KIF13A: variants seen among roughly 807,000 people sequenced by gnomAD.
KIF13A encodes kinesin-like protein KIF13A.
Under a neutral mutation model 212.2 loss-of-function variants are expected in KIF13A, and 79 were observed. The ratio of observed to expected loss-of-function variants is 0.37; its 90% CI spans 0.31 to 0.45. The LOEUF is 0.45. Ranked by LOEUF, KIF13A falls within the 20% of genes least tolerant of loss-of-function variation. KIF13A has a pLI of 1.00. For missense variants in KIF13A, 1,901 were observed against 2,209.0 expected (o/e 0.86, Z 2.79); for synonymous variants, 789 against 808.6 (o/e 0.98, Z 0.41).
chr6:17,949,083 G>C (rs1351268576), intron 2 of KIF13A, among the ~76,000 whole-genome samples: 1 of 152,028 alleles, frequency 6.6e-6, no homozygotes, highest in Non-Finnish European at 1.5e-5. Flanking sequence ...CAGATGAGAG[G>C]GGAATGTACA....
At chr6:17,784,926 T>C (rs1200612011) in intron 28 of KIF13A, among the ~76,000 whole-genome samples, 4 of 152,234 alleles carry the variant, frequency 2.6e-5, no homozygotes, top group Non-Finnish European at 5.9e-5. Context: ...CTAATGTTTC[T>C]ATGCCAGTTC....
chr6:17,899,233 T>C lies in KIF13A; in HGVS notation c.147-1053A>G, dbSNP rs1364545016. Among the ~76,000 whole-genome samples, 1 of 152,110 alleles carries C rather than the reference T, an allele frequency of 6.6e-6. No individual in the cohort carries two copies. The highest frequency in any genetic ancestry group is 1.5e-5 in the Non-Finnish European group (1 of 68,026). ...CAATTATGATTTCTAAGTTATGCAA[T>C]CTTATGACAGTTCTTGGCCTTCCTG... On this transcript the variant is annotated intron_variant, in intron 2 of 38. Transcript: ENST00000259711. The surrounding 1 kb of genome is among the most constrained non-coding windows in gnomAD (Gnocchi z 5.2).
At position 17,892,203 on chromosome 6, in the gene KIF13A, G is replaced by C. The variant is rs77736539; in HGVS notation, c.159+5965C>G. Among the ~76,000 whole-genome samples, 6,603 of 152,158 alleles carry C rather than the reference G, an allele frequency of 0.043. 347 individuals are homozygous for C. The highest frequency in any genetic ancestry group is 0.12 in the African/African-American group (5,023 of 41,474). On this transcript the variant is annotated intron_variant, in intron 3 of 38. Coordinates refer to ENST00000259711, the MANE Select transcript of KIF13A (RefSeq NM_022113.6). The surrounding 1 kb of genome is among the most constrained non-coding windows in gnomAD (Gnocchi z 4.7). ...TTTTCATTCACTCAGTTTCAAATCCGAGACATCTCTGACTCTTGATATACT... is the reference window on the plus strand; with the variant it reads ...TTTTCATTCACTCAGTTTCAAATCCCAGACATCTCTGACTCTTGATATACT...
At chr6:17,760,814 CAA>C, downstream of KIF13A, 1 of 1,609,572 alleles carries the variant, frequency 6.2e-7, no homozygotes, top group Non-Finnish European at 8.5e-7. Flanking sequence ...ACCAGGCGAA[CAA>C]AGACGCCAAG....
At chr6:17,803,375 C>G (rs1254851715) in intron 20 of KIF13A, among the ~76,000 whole-genome samples, 1 of 152,088 alleles carries the variant, frequency 6.6e-6, no homozygotes, top group Non-Finnish European at 1.5e-5. Flanking sequence ...GCAGAATGTC[C>G]ATGGGGTGTT....
chr6:17,964,840 T>C (rs1353885760), intron 2 of KIF13A, among the ~76,000 whole-genome samples: 16 of 152,180 alleles, frequency 1.1e-4, no homozygotes, highest in Admixed American at 1.0e-3. Flanking sequence ...TTTTGTTTTT[T>C]TGAGACTGAG....
At chr6:17,832,087 C>T (rs966870962) in intron 12 of KIF13A, among the ~76,000 whole-genome samples, 1 of 151,854 alleles carries the variant, frequency 6.6e-6, no homozygotes, top group Non-Finnish European at 1.5e-5. Flanking sequence ...TGGGTGTGAA[C>T]GATATCTATA....
At position 17,783,569 on chromosome 6, in the gene KIF13A, C is replaced by A; in HGVS notation, c.3544+77G>T. On this transcript the variant is annotated intron_variant, in intron 29 of 38. Transcript: ENST00000259711. The surrounding 1 kb of genome is among the most constrained non-coding windows in gnomAD (Gnocchi z 4.3). ...ATGATTAGAAGAGTGATTTAAGGATCAAAATAATGTGAATCTGGATAGATT... is the reference window on the plus strand; with the variant it reads ...ATGATTAGAAGAGTGATTTAAGGATAAAAATAATGTGAATCTGGATAGATT... 2.0e-6 allele frequency: 2 copies of A among 1,002,978 alleles called. No homozygotes were observed. The highest frequency in any genetic ancestry group is 2.8e-5 in the South Asian group (2 of 72,264). The allele number at this position is 1,002,978 out of a possible 1,614,324, so 62.1% of individuals were successfully genotyped here. A position where few individuals can be genotyped will look rare whatever the true frequency, so the allele number is the denominator to read the frequency against.
rs1012959264 is a variant in KIF13A, at chr6:17,836,923, C to A, written c.1110G>T (p.Leu370=). ...EDPNAKVIRE[L]REEVEKLREQ... is the part of the protein sequence containing the mutation. ...CTCTCAGTTTCTCGACTTCCTCCCG[C>A]AGTTCTCGGATCACTTTTGCGTTGG... Residue 370 remains leucine, a synonymous_variant, in exon 11 of 39, where the codon CTG becomes CTT. Transcript: ENST00000259711. The A allele has an allele frequency of 6.2e-7, 1 of 1,613,958 alleles. No individual in the cohort carries two copies. Among genetic ancestry groups the A allele is most frequent in the Non-Finnish European group, 8.5e-7 (1 of 1,179,892 alleles).
intron 2 of KIF13A, among the ~76,000 whole-genome samples, chr6:17,942,002 T>C (rs1410539321): frequency 2.6e-5 from 4 of 152,078 alleles, no homozygotes; most frequent in African/African-American, 7.2e-5. Flanking sequence ...AAATATTCTA[T>C]ATCAACATAT....
chr6:17,962,097 C>G (rs187444149), intron 2 of KIF13A, among the ~76,000 whole-genome samples: 1 of 151,930 alleles, frequency 6.6e-6, no homozygotes, highest in Non-Finnish European at 1.5e-5. Context: ...GAGGCCAAGG[C>G]GCGTGGATCA....
Position 17,972,791 on chromosome 6 carries a change from T to G in KIF13A, c.146+14263A>C, listed in dbSNP as rs1336459792. Among the ~76,000 whole-genome samples, 3 of 141,436 alleles carry G rather than the reference T, an allele frequency of 2.1e-5. No homozygotes were observed. In the East Asian group the frequency reaches 6.5e-4, roughly 30 times the overall value. 92.8% of individuals were successfully genotyped at this position (141,436 alleles called of 152,430 possible). Reference sequence around the variant, plus strand: ...AGTAAAGAGCAAAGCTTCCCTTTCCTCAAAGGCTTCCTTCCTGTTCCTTGT... The same window carrying G: ...AGTAAAGAGCAAAGCTTCCCTTTCCGCAAAGGCTTCCTTCCTGTTCCTTGT... On this transcript the variant is annotated intron_variant, in intron 2 of 38. Transcript: ENST00000259711.
chr6:17,900,800 C>T lies in KIF13A; in HGVS notation c.147-2620G>A, dbSNP rs1772982401. Among the ~76,000 whole-genome samples the T allele has an allele frequency of 6.6e-6, 1 of 152,124 alleles. No homozygotes were observed. The highest frequency in any genetic ancestry group is 2.4e-5 in the African/African-American group (1 of 41,408). ...AAAACTGAGAGCTCAGTCCAGGGGC[C>T]AGGCACAGTGGCTCACACCTGTAAT... On this transcript the variant is annotated intron_variant, in intron 2 of 38. Coordinates refer to ENST00000259711, the MANE Select transcript of KIF13A (RefSeq NM_022113.6). This position sits in a 1 kb window ranked among gnomAD's most constrained non-coding sequence, Gnocchi z 4.6.
chr6:17,789,785 T>C lies in KIF13A; in HGVS notation c.3261+87A>G. The C allele has an allele frequency of 8.9e-7, 1 of 1,121,838 alleles. No homozygotes were observed. The highest frequency in any genetic ancestry group is 1.3e-6 in the Non-Finnish European group (1 of 754,802). The allele number at this position is 1,121,838 out of a possible 1,614,324, so 69.5% of individuals were successfully genotyped here. On this transcript the variant is annotated intron_variant, in intron 26 of 38. Transcript: ENST00000259711. This position sits in a 1 kb window ranked among gnomAD's most constrained non-coding sequence, Gnocchi z 4.8. ...GCATATTCTCGCTCTAGGGCCCTCC[T>C]TCCTCCTCCCTGGCCTCTGCTTTGC...
chr6:17,844,007 T>C (rs561239454), intron 9 of KIF13A, among the ~76,000 whole-genome samples: 38 of 148,902 alleles, frequency 2.6e-4, no homozygotes, highest in African/African-American at 8.5e-4. Context: ...ATCGTGCCAC[T>C]GTACTCCAGC....
intron 2 of KIF13A, among the ~76,000 whole-genome samples, chr6:17,921,984 G>A: frequency 6.6e-6 from 1 of 152,164 alleles, no homozygotes; most frequent in Non-Finnish European, 1.5e-5. Flanking sequence ...CAGGTAAAAA[G>A]GGGCATCAAA....
rs528691373 is a variant in KIF13A at position 17,773,384 on chromosome 6, A to C, written c.4324+94T>G. ...TCTAGTTAACTAGAATATCAGCTTC[A>C]TATCTTATTATATGCCATTAATGAA... On this transcript the variant is annotated intron_variant, in intron 36 of 38. Transcript: ENST00000259711. The surrounding 1 kb of genome is among the most constrained non-coding windows in gnomAD (Gnocchi z 4.2). 1.5e-6 allele frequency: 1 copy of C among 661,302 alleles called. No individual in the cohort carries two copies. The allele number at this position is 661,302 out of a possible 1,614,324, so 41.0% of individuals were successfully genotyped here.
At position 17,968,475 on chromosome 6, in the gene KIF13A, A is replaced by C. The variant is rs976451453; in HGVS notation, c.146+18579T>G. On this transcript the variant is annotated intron_variant, in intron 2 of 38. Transcript: ENST00000259711. This position sits in a 1 kb window ranked among gnomAD's most constrained non-coding sequence, Gnocchi z 4.7. Reference sequence around the variant, plus strand: ...CCATTCATCCAGTCTGGGACCACACACCACCTCTGGGTGTATAGCTCTGGC... The same window carrying C: ...CCATTCATCCAGTCTGGGACCACACCCCACCTCTGGGTGTATAGCTCTGGC... Among the ~76,000 whole-genome samples, 1 of 152,170 alleles carries C rather than the reference A, an allele frequency of 6.6e-6. No homozygotes were observed. Among genetic ancestry groups the C allele is most frequent in the African/African-American group, 2.4e-5 (1 of 41,424 alleles).
In KIF13A at chr6:17,915,527, T is replaced by C. The variant is rs1006903215; in HGVS notation, c.147-17347A>G. On this transcript the variant is annotated intron_variant, in intron 2 of 38. Coordinates refer to ENST00000259711, the MANE Select transcript of KIF13A (RefSeq NM_022113.6). This position sits in a 1 kb window ranked among gnomAD's most constrained non-coding sequence, Gnocchi z 4.4. The stretch of plus-strand genomic sequence containing the variant: ...ATTGCTGATGCCAGATGCTTGCAGT[T>C]TGACAGCGTGCAGGACCTGCCACCT... Among the ~76,000 whole-genome samples the C allele has an allele frequency of 2.0e-5, 3 of 152,182 alleles. No homozygotes were observed. Among genetic ancestry groups the C allele is most frequent in the East Asian group, 1.9e-4 (1 of 5,204 alleles).
Sources: gnomAD v4.1 joint callset for allele counts (sites outside exome capture counted in the v4.1 genomes callset) on GRCh38, gnomAD v4.1.1 for gene constraint, Gnocchi (gnomAD v3.1) non-coding constraint, MANE v1.5 for transcripts, NCBI Gene and HGNC (gene_info 2026-07-23, HGNC 2026-07-21) for gene names.